The following BLNK variants were observed in gnomAD, a reference collection of about 807,000 sequenced individuals.
The protein encoded by BLNK is B cell linker.
In BLNK, 29 loss-of-function variants were observed where a neutral mutation model predicts 73.5. That is an observed-to-expected ratio of 0.39 (90% CI 0.29 to 0.54). The LOEUF (loss-of-function observed/expected upper bound fraction) is 0.54. Ranked by LOEUF, BLNK falls within the 20% of genes least tolerant of loss-of-function variation. The probability of loss-of-function intolerance (pLI) is 0.61; values close to 1 mark genes in which losing one functional copy is unlikely to be tolerated. For synonymous variants in BLNK, 176 were observed against 200.8 expected (o/e 0.88, Z 1.04); for missense variants, 460 against 562.8 (o/e 0.82, Z 1.85).
At position 96,190,249 on chromosome 10, in the gene BLNK, G is replaced by C; in HGVS notation, c.*1724C>G. On this transcript the variant is annotated 3_prime_UTR_variant, in exon 17 of 17. Coordinates refer to ENST00000224337, the MANE Select transcript of BLNK (RefSeq NM_013314.4). ...TGGCGGCACACACTTAGGTGGGAGA[G>C]AAAGCAGACGGAGATAAACGACCAC... 2 of 733,250 alleles carry C rather than the reference G, an allele frequency of 2.7e-6. No individual in the cohort carries two copies. Among genetic ancestry groups the C allele is most frequent in the Non-Finnish European group, 5.0e-6 (2 of 399,286 alleles). The allele number at this position is 733,250 out of a possible 1,614,324, so 45.4% of individuals were successfully genotyped here. A position where few individuals can be genotyped will look rare whatever the true frequency, so the allele number is the denominator to read the frequency against.
rs782358356 is a variant in BLNK at position 96,201,017 on chromosome 10, G to T, written c.976C>A (p.Pro326Thr). The T allele has an allele frequency of 1.2e-6, 2 of 1,614,118 alleles. No individual in the cohort carries two copies. Among genetic ancestry groups the T allele is most frequent in the South Asian group, 2.2e-5 (2 of 91,080 alleles). Reference sequence around the variant, plus strand: ...ATAGTGGAATTAGATGAAAAGCTGGGTAGGGGCCCATCCACAGTTGGGTTT... The same window carrying T: ...ATAGTGGAATTAGATGAAAAGCTGGTTAGGGGCCCATCCACAGTTGGGTTT... The part of the protein sequence containing the change: ...GGNPTVDGPL[P>T]SFSSNSTISE... The change falls in exon 14 of 17, where the codon CCC (proline) becomes ACC (threonine). Residue 326 changes from proline (P) to threonine (T), a missense_variant. Pro to Thr is a conservative substitution (Grantham distance 38, BLOSUM62 -1). Coordinates refer to ENST00000224337, the MANE Select transcript of BLNK (RefSeq NM_013314.4).
intron 3 of BLNK, among the ~76,000 whole-genome samples, chr10:96,241,937 C>G (rs1040257203): frequency 1.3e-5 from 2 of 152,132 alleles, no homozygotes; most frequent in Non-Finnish European, 2.9e-5. Flanking sequence ...CCAGGCTGAT[C>G]TCAAACTCCT....
At chr10:96,198,538 G>A (rs587751415) in intron 15 of BLNK, among the ~76,000 whole-genome samples, 5 of 152,306 alleles carry the variant, frequency 3.3e-5, no homozygotes, top group African/African-American at 1.2e-4. Context: ...AAATTACATA[G>A]AAGGGCAAGA....
At chr10:96,195,504 T>G (rs2083443408) in intron 16 of BLNK, among the ~76,000 whole-genome samples, 1 of 152,240 alleles carries the variant, frequency 6.6e-6, no homozygotes, top group South Asian at 2.1e-4. Context: ...TCCTAACACA[T>G]GCTACAACAT....
chr10:96,192,138 A>G, intron 16 of BLNK, 46 bp from the exon 17 acceptor site: 1 of 1,609,826 alleles, frequency 6.2e-7, no homozygotes, highest in Non-Finnish European at 8.5e-7. Context: ...CATTTGTGTT[A>G]AATTTGAGCT....
intron 13 of BLNK, chr10:96,203,436 A>G (rs1378590769): frequency 1.3e-5 from 2 of 152,188 alleles, no homozygotes; most frequent in Non-Finnish European, 2.9e-5. Context: ...AAGCTTTATT[A>G]TTTTGGAATA....
At chr10:96,235,399 G>A (rs1842655964) in intron 3 of BLNK, among the ~76,000 whole-genome samples, 1 of 152,144 alleles carries the variant, frequency 6.6e-6, no homozygotes, top group Non-Finnish European at 1.5e-5. Flanking sequence ...AGAAATTGGA[G>A]GCTCACTCAA....
chr10:96,251,709 A>G (rs1268100589), intron 1 of BLNK, among the ~76,000 whole-genome samples: 2 of 152,276 alleles, frequency 1.3e-5, no homozygotes, highest in Non-Finnish European at 2.9e-5. Flanking sequence ...AGCAGGTCAT[A>G]TAAATAATTA....
intron 1 of BLNK, among the ~76,000 whole-genome samples, chr10:96,256,374 T>G (rs11188682): frequency 6.6e-6 from 1 of 152,204 alleles, no homozygotes; most frequent in Non-Finnish European, 1.5e-5. Flanking sequence ...AAACTTAAAA[T>G]TTAAATACAT....
intron 8 of BLNK, among the ~76,000 whole-genome samples, chr10:96,215,068 G>T (rs2084032907): frequency 1.3e-5 from 2 of 152,152 alleles, no homozygotes; most frequent in Non-Finnish European, 2.9e-5. Context: ...AGTCAAGGAA[G>T]GGGACACAGA....
chr10:96,226,983 A>C (rs1450131887), intron 5 of BLNK, among the ~76,000 whole-genome samples: 1 of 152,216 alleles, frequency 6.6e-6, no homozygotes, highest in Non-Finnish European at 1.5e-5. Context: ...AAGGTGAGGC[A>C]GACACTGGGA....
chr10:96,189,698 A>ATCATCATC lies in BLNK; in HGVS notation c.*2274_*2275insGATGATGA. ...TTTTCTTCAGTTTCCTCATCATCAA[A>ATCATCATC]ATCATCATCATCATCATCATCATCA... On this transcript the variant is annotated 3_prime_UTR_variant, in exon 17 of 17. Coordinates refer to ENST00000224337, the MANE Select transcript of BLNK (RefSeq NM_013314.4). 1.5e-6 allele frequency: 1 copy of ATCATCATC among 655,362 alleles called. No homozygotes were observed. Among genetic ancestry groups the ATCATCATC allele is most frequent in the South Asian group, 1.5e-5 (1 of 68,028 alleles). The allele number at this position is 655,362 out of a possible 1,614,324, so 40.6% of individuals were successfully genotyped here. A position where few individuals can be genotyped will look rare whatever the true frequency, so the allele number is the denominator to read the frequency against.
intron 2 of BLNK, among the ~76,000 whole-genome samples, chr10:96,246,654 G>T (rs1554907678): frequency 6.6e-6 from 1 of 152,238 alleles, no homozygotes; most frequent in African/African-American, 2.4e-5. Context: ...TTTTCATTTG[G>T]ATTTCTCCAT....
intron 3 of BLNK, among the ~76,000 whole-genome samples, chr10:96,231,240 G>A (rs993831239): frequency 2.0e-5 from 3 of 152,154 alleles, no homozygotes; most frequent in Non-Finnish European, 4.4e-5. Context: ...GCGTTGGAGT[G>A]TGGGCAAGAC....
chr10:96,226,683 A>G (rs1187314075), intron 5 of BLNK, among the ~76,000 whole-genome samples: 12 of 152,108 alleles, frequency 7.9e-5, no homozygotes, highest in Admixed American at 3.9e-4. Flanking sequence ...TCTACTAAAA[A>G]TACAAAAGTT....
Position 96,223,950 on chromosome 10 carries a change from T to G in BLNK, c.401A>C (p.Lys134Thr). The G allele has an allele frequency of 6.2e-7, 1 of 1,613,340 alleles. No homozygotes were observed. The highest frequency in any genetic ancestry group is 8.5e-7 in the Non-Finnish European group (1 of 1,180,022). The change falls in exon 6 of 17, where the codon AAG becomes ACG. Residue 134 changes from lysine (K) to threonine (T), a missense_variant. Transcript: ENST00000224337. ...SSQRHSPPFS[K>T]TLPSKPSWPS... ...CCAGCTGGGCTTACTGGGAAGTGTCTTGCTGAAGGGTGGGGAATGCCTCTG... is the reference window on the plus strand; with the variant it reads ...CCAGCTGGGCTTACTGGGAAGTGTCGTGCTGAAGGGTGGGGAATGCCTCTG...
At chr10:96,197,301 GTAA>G (rs1554894936) in intron 15 of BLNK, among the ~76,000 whole-genome samples, 2 of 151,914 alleles carry the variant, frequency 1.3e-5, no homozygotes, top group African/African-American at 4.8e-5. Flanking sequence ...TGAAAAAAAG[GTAA>G]TAATTAATTA....
chr10:96,251,766 T>C (rs1436707537), intron 1 of BLNK, among the ~76,000 whole-genome samples: 4 of 152,252 alleles, frequency 2.6e-5, no homozygotes, highest in Non-Finnish European at 4.4e-5. Flanking sequence ...CTCTTTTGTT[T>C]TTAATTTTCA....
Position 96,191,653 on chromosome 10 carries a change from T to C in BLNK, c.*320A>G. On this transcript the variant is annotated 3_prime_UTR_variant, in exon 17 of 17. Coordinates refer to ENST00000224337, the MANE Select transcript of BLNK (RefSeq NM_013314.4). The stretch of plus-strand genomic sequence containing the variant: ...AGGTTTAAATTTCCAGCCACTTTGT[T>C]TTATGCAAGAGCATTATTTTCTTAT... 1 of 224,604 alleles carries C rather than the reference T, an allele frequency of 4.5e-6. No individual in the cohort carries two copies. Among genetic ancestry groups the C allele is most frequent in the Admixed American group, 5.3e-5 (1 of 18,854 alleles). 13.9% of individuals were successfully genotyped at this position (224,604 alleles called of 1,614,324 possible).
Sources: allele counts gnomAD v4.1 joint callset (sites outside exome capture counted in the v4.1 genomes callset), GRCh38; gene constraint gnomAD v4.1.1; transcripts MANE v1.5; gene names NCBI Gene and HGNC (gene_info 2026-07-23, HGNC 2026-07-21).